Variants in ADGRF5 observed in about 807,000 individuals in gnomAD.
The protein encoded by ADGRF5 is adhesion G protein-coupled receptor F5, also known as G-protein coupled receptor 116.
In ADGRF5, 75 loss-of-function variants were observed where a neutral mutation model predicts 132.3. That is an observed-to-expected ratio of 0.57 (90% CI 0.47 to 0.69). The LOEUF (loss-of-function observed/expected upper bound fraction) is 0.69, where lower values mean the gene tolerates loss of function less well. Among genes scored for constraint, ADGRF5 ranks in the 30% least tolerant of loss-of-function variants. The pLI is 0.00. For missense variants in ADGRF5, 1,516 were observed against 1,630.6 expected (o/e 0.93, Z 1.21); for synonymous variants, 629 against 597.6 (o/e 1.05, Z -0.77).
intron 15 of ADGRF5, among the ~76,000 whole-genome samples, chr6:46,862,658 T>TGA (rs1769899905): frequency 7.2e-6 from 1 of 139,834 alleles, no homozygotes; most frequent in Non-Finnish European, 1.5e-5. Flanking sequence ...CTAGTCGGTC[T>TGA]GAGAGCAGAA....
Position 46,859,496 on chromosome 6 carries a change from G to T in ADGRF5, c.2407C>A (p.Leu803Ile), listed in dbSNP as rs753583166. The T allele has an allele frequency of 1.5e-4, 249 of 1,612,448 alleles. No homozygotes were observed. The highest frequency in any genetic ancestry group is 2.0e-4 in the Non-Finnish European group (237 of 1,178,940). Reference protein sequence around the residue: ...THVLSTVNVILGKPVLNTWKV... With the variant: ...THVLSTVNVIIGKPVLNTWKV... ...CAGGTGTTCAAGACGGGCTTGCCAA[G>T]GATGACATTAACCGTAGAGAGCACG... Residue 803 changes from leucine (L) to isoleucine (I), a missense_variant, in exon 17 of 21, where the codon CTT (leucine) becomes ATT (isoleucine). Leu to Ile is a conservative substitution (Grantham distance 5). Around this residue, in one of 2 missense-constraint regions of ADGRF5, gnomAD observed 571 missense variants for 701.2 expected, o/e 0.81. Coordinates refer to ENST00000283296, the MANE Select transcript of ADGRF5 (RefSeq NM_001098518.2).
intron 19 of ADGRF5, 65 bp downstream of exon 19, chr6:46,856,653 C>G (rs776798427): frequency 9.9e-7 from 1 of 1,005,950 alleles, no homozygotes; most frequent in African/African-American, 1.6e-5. Flanking sequence ...GTACTCTGTA[C>G]TTCAGAATGC....
At chr6:46,919,931 C>A (rs533554093) in intron 1 of ADGRF5, among the ~76,000 whole-genome samples, 1 of 152,230 alleles carries the variant, frequency 6.6e-6, no homozygotes, top group South Asian at 2.1e-4. Context: ...TGATGTTTTC[C>A]TTATTTGCTT....
chr6:46,856,208 C>T (rs1769028525), intron 19 of ADGRF5, 150 bp from the exon 20 acceptor site: 1 of 593,682 alleles, frequency 1.7e-6, no homozygotes, highest in Non-Finnish European at 3.1e-6. Context: ...ATACTGGAAT[C>T]TTATCATCTG....
chr6:46,930,176 A>G (rs1286083933), intron 1 of ADGRF5, among the ~76,000 whole-genome samples: 2 of 152,200 alleles, frequency 1.3e-5, no homozygotes, highest in African/African-American at 4.8e-5. Context: ...TTAACATATT[A>G]GAATACAGTT....
chr6:46,872,318 G>A (rs935812477), intron 10 of ADGRF5, among the ~76,000 whole-genome samples: 6 of 152,084 alleles, frequency 3.9e-5, no homozygotes, highest in South Asian at 2.1e-4. Flanking sequence ...CAGGACCACC[G>A]TAATGTTAAA....
chr6:46,921,547 G>T (rs17385889), intron 1 of ADGRF5, among the ~76,000 whole-genome samples, 166 bp downstream of exon 1: 1 of 152,102 alleles, frequency 6.6e-6, no homozygotes, highest in Admixed American at 6.5e-5. Context: ...CTCTTGACTG[G>T]ACATACTTAA....
intron 1 of ADGRF5, among the ~76,000 whole-genome samples, chr6:46,940,211 CA>C (rs1284151176): frequency 5.3e-5 from 8 of 152,300 alleles, no homozygotes; most frequent in Non-Finnish European, 8.8e-5. Flanking sequence ...TGAAGGGGTG[CA>C]ACTCTTGATT....
chr6:46,913,117 C>T (rs1416087919), intron 1 of ADGRF5, among the ~76,000 whole-genome samples: 1 of 152,152 alleles, frequency 6.6e-6, no homozygotes, highest in African/African-American at 2.4e-5. Flanking sequence ...AGTGGCTAAT[C>T]GCCTGAGACA....
chr6:46,854,159 G>C, intron 20 of ADGRF5, 88 bp from the exon 21 acceptor site: 4 of 873,232 alleles, frequency 4.6e-6, no homozygotes, highest in Non-Finnish European at 6.9e-6. Flanking sequence ...CAGGGGAGCA[G>C]TGGTCCAGGT....
intron 2 of ADGRF5, 27 bp from the exon 3 acceptor site, chr6:46,900,110 C>G (rs768081883): frequency 1.3e-5 from 20 of 1,572,390 alleles, no homozygotes; most frequent in African/African-American, 2.7e-5. Context: ...AGAAAGTTGT[C>G]AATTAACGTT....
intron 1 of ADGRF5, among the ~76,000 whole-genome samples, chr6:46,942,337 A>G (rs1778122104): frequency 6.6e-6 from 1 of 152,232 alleles, no homozygotes; most frequent in Non-Finnish European, 1.5e-5. Context: ...GGCACAGAGT[A>G]GTCAGGTGCT....
At chr6:46,944,744 A>G (rs1219346297) in intron 1 of ADGRF5, among the ~76,000 whole-genome samples, 3 of 152,188 alleles carry the variant, frequency 2.0e-5, no homozygotes, top group African/African-American at 7.2e-5. Flanking sequence ...AAAGGATGAG[A>G]TCTTTCAAAA....
chr6:46,932,987 C>T (rs532140913), intron 1 of ADGRF5, among the ~76,000 whole-genome samples: 1 of 152,204 alleles, frequency 6.6e-6, no homozygotes, highest in East Asian at 1.9e-4. Flanking sequence ...AAACTCAGCG[C>T]CAAGAAATGG....
At chr6:46,940,258 T>C (rs1458900860) in intron 1 of ADGRF5, among the ~76,000 whole-genome samples, 1 of 152,252 alleles carries the variant, frequency 6.6e-6, no homozygotes, top group Non-Finnish European at 1.5e-5. Flanking sequence ...AGCCACTTGC[T>C]ATTATACTTT....
chr6:46,892,235 C>T (rs73736677), intron 3 of ADGRF5, among the ~76,000 whole-genome samples: 17,002 of 151,132 alleles, frequency 0.11, 1,238 homozygotes, highest in Admixed American at 0.2. Context: ...GATTTTGGAG[C>T]TCAGCCCATG....
intron 15 of ADGRF5, among the ~76,000 whole-genome samples, chr6:46,862,297 C>G (rs931999208): frequency 6.6e-6 from 1 of 152,108 alleles, no homozygotes; most frequent in East Asian, 1.9e-4. Flanking sequence ...AACAACAAAT[C>G]AAGTGTGGAG....
intron 1 of ADGRF5, among the ~76,000 whole-genome samples, chr6:46,910,608 C>T (rs748933343): frequency 1.2e-4 from 18 of 152,042 alleles, no homozygotes; most frequent in South Asian, 2.1e-4. Context: ...AGCTGATAGA[C>T]GGTAGTGGCA....
In ADGRF5 at chr6:46,889,568, G is replaced by GTATATATATATA. The variant is rs765350305; in HGVS notation, c.158-1075_158-1064dup. On this transcript the variant is annotated intron_variant, in intron 3 of 20. Transcript: ENST00000283296. ...TATATATATATGTGTGTGTGTGTGT[G>GTATATATATATA]TATATATATATATATATATATATAT... 3.9e-3 allele frequency among the ~76,000 whole-genome samples: 305 copies of GTATATATATATA among 77,798 alleles called. 1 individual carries two copies. Among genetic ancestry groups the GTATATATATATA allele is most frequent in the South Asian group, 0.025 (63 of 2,482 alleles). The allele number at this position is 77,798 out of a possible 152,430, so 51.0% of individuals were successfully genotyped here. A position where few individuals can be genotyped will look rare whatever the true frequency, so the allele number is the denominator to read the frequency against.
Sources: allele counts gnomAD v4.1 joint callset (sites outside exome capture counted in the v4.1 genomes callset), GRCh38; gene constraint gnomAD v4.1.1; regional missense constraint gnomAD v4.1.1; transcripts MANE v1.5; gene names NCBI Gene and HGNC (gene_info 2026-07-23, HGNC 2026-07-21).